Variants in WDR75 observed in about 807,000 individuals in gnomAD.
The protein encoded by WDR75 is WD repeat-containing protein 75.
Under a neutral mutation model 106.1 loss-of-function variants are expected in WDR75, and 52 were observed. The ratio of observed to expected loss-of-function variants is 0.49; its 90% CI spans 0.39 to 0.62. The LOEUF (loss-of-function observed/expected upper bound fraction) is 0.62, where lower values mean the gene tolerates loss of function less well. Ranked by LOEUF, WDR75 falls within the 20% of genes least tolerant of loss-of-function variation. WDR75 has a pLI of 0.00. For missense variants in WDR75, 905 were observed against 970.3 expected, an observed-to-expected ratio of 0.93 and a Z score of 0.89; for synonymous variants, 333 against 335.5, an observed-to-expected ratio of 0.99 and a Z score of 0.08.
At chr2:189,447,987 G>T (rs1479305820) in intron 1 of WDR75, among the ~76,000 whole-genome samples, 1 of 152,178 alleles carries the variant, frequency 6.6e-6, no homozygotes, top group East Asian at 1.9e-4. Context: ...TACTGTTCTT[G>T]TGGTAGTGAA....
chr2:189,470,707 A>G (rs1687098883), intron 17 of WDR75, 112 bp from the exon 18 acceptor site: 3 of 590,920 alleles, frequency 5.1e-6, no homozygotes, highest in South Asian at 7.8e-5. Context: ...GTTGTCAAAT[A>G]TATATATCAA....
Position 189,450,815 on chromosome 2 carries a change from A to G in WDR75, c.217-88A>G. 6.4e-6 allele frequency: 10 copies of G among 1,563,236 alleles called. No individual in the cohort carries two copies. The South Asian group carries it at 9.6e-5, about 15-fold the overall frequency. ...TTAACAGTGAATTAATGAATAGAAA[A>G]TGCCCCTGATCAACATTTAATTATT... On this transcript the variant is annotated intron_variant, in intron 2 of 20. Coordinates refer to ENST00000314761, the MANE Select transcript of WDR75 (RefSeq NM_032168.3).
At chr2:189,465,382 T>C in intron 12 of WDR75, 128 bp downstream of exon 12, 1 of 1,008,806 alleles carries the variant, frequency 9.9e-7, no homozygotes, top group Non-Finnish European at 1.4e-6. Flanking sequence ...GGAGAGGTTT[T>C]ATTCTAATAA....
chr2:189,474,899 A>G (rs886700623), intron 20 of WDR75, 91 bp downstream of exon 20: 9 of 985,988 alleles, frequency 9.1e-6, no homozygotes, highest in Admixed American at 7.7e-5. Context: ...CTTCCACTGT[A>G]TTTCTTTTTA....
chr2:189,450,536 C>T (rs891098201), intron 2 of WDR75: 8 of 991,554 alleles, frequency 8.1e-6, no homozygotes, highest in African/African-American at 1.8e-5. Flanking sequence ...AGGCTGGTCT[C>T]GAACTCCTGG....
chr2:189,460,609 G>T (rs113640713), intron 8 of WDR75, among the ~76,000 whole-genome samples: 9,819 of 151,594 alleles, frequency 0.065, 496 homozygotes, highest in African/African-American at 0.14. Context: ...GGCTCAAATG[G>T]TCCTCCCACC....
In WDR75 at chr2:189,474,214, C is replaced by A; in HGVS notation, c.2078C>A (p.Thr693Asn). ...CTAGCAGAAGAAAGTCTTCCCACAACCCCATTTTATTTCATATTGGGAAAA... is the reference window on the plus strand; with the variant it reads ...CTAGCAGAAGAAAGTCTTCCCACAAACCCATTTTATTTCATATTGGGAAAA... ...QLLAEESLPT[T>N]PFYFILGKHR... The change falls in exon 19 of 21, where the codon ACC becomes AAC. Residue 693 changes from threonine (T) to asparagine (N), a missense_variant. Physicochemically the swap from Thr to Asn is moderately conservative, Grantham distance 65. Transcript: ENST00000314761. 2 of 1,613,054 alleles carry A rather than the reference C, an allele frequency of 1.2e-6. No individual in the cohort carries two copies. Among genetic ancestry groups the A allele is most frequent in the Non-Finnish European group, 1.7e-6 (2 of 1,179,612 alleles).
In WDR75 at chr2:189,462,197, A is replaced by G. The variant is rs1686903929; in HGVS notation, c.779-287A>G. Among the ~76,000 whole-genome samples, 3 of 152,060 alleles carry G rather than the reference A, an allele frequency of 2.0e-5. No homozygotes were observed. The South Asian group carries it at 6.2e-4, about 31-fold the overall frequency. ...AGTATTTAAATGTTTAGAAAAATTTATCAGTGAAGCTATCTTGGCCTAAAG... is the reference window on the plus strand; with the variant it reads ...AGTATTTAAATGTTTAGAAAAATTTGTCAGTGAAGCTATCTTGGCCTAAAG... On this transcript the variant is annotated intron_variant, in intron 8 of 20. Coordinates refer to ENST00000314761, the MANE Select transcript of WDR75 (RefSeq NM_032168.3).
Position 189,475,333 on chromosome 2 carries a change from C to T in WDR75, c.2409C>T (p.Asp803=). The T allele has an allele frequency of 6.2e-7, 1 of 1,612,334 alleles. No homozygotes were observed. The highest frequency in any genetic ancestry group is 8.5e-7 in the Non-Finnish European group (1 of 1,178,944). The change falls in exon 21 of 21, where the codon GAC becomes GAT. Residue 803 remains aspartate, a synonymous_variant. Transcript: ENST00000314761. ...QDTSNTGLGE[D]IIHQLSKSEE... is the part of the protein sequence containing the mutation. ...CAAGTAACACAGGTTTAGGAGAAGA[C>T]ATTATACATCAGTTGTCAAAATCTG...
chr2:189,452,166 C>T lies in WDR75; in HGVS notation c.373+271C>T, dbSNP rs1019842115. On this transcript the variant is annotated intron_variant, in intron 4 of 20. Coordinates refer to ENST00000314761, the MANE Select transcript of WDR75 (RefSeq NM_032168.3). ...TTTACAAAGGTGGATAGAATTTTGT[C>T]TTTCTACTGAACTTAAATCTGTTAT... The T allele has an allele frequency of 6.4e-5, 21 of 326,844 alleles. No homozygotes were observed. The South Asian group carries it at 8.5e-4, about 13-fold the overall frequency. The allele number at this position is 326,844 out of a possible 1,614,324, so 20.2% of individuals were successfully genotyped here. A position where few individuals can be genotyped will look rare whatever the true frequency, so the allele number is the denominator to read the frequency against.
At chr2:189,456,071 A>G (rs13015203) in intron 5 of WDR75, among the ~76,000 whole-genome samples, 86,073 of 152,084 alleles carry the variant, frequency 0.57, 26,140 homozygotes, top group East Asian at 0.69. Context: ...ATGCTTCTTT[A>G]GTCTTAAGTT....
intron 4 of WDR75, 143 bp from the exon 5 acceptor site, chr2:189,455,177 G>T (rs983955477): frequency 4.5e-6 from 4 of 880,122 alleles, no homozygotes; most frequent in Non-Finnish European, 6.4e-6. Flanking sequence ...GGAGGCAGAG[G>T]TTGCAGTGAG....
chr2:189,454,652 G>A (rs1686696126), intron 4 of WDR75, among the ~76,000 whole-genome samples: 1 of 151,854 alleles, frequency 6.6e-6, no homozygotes, highest in Admixed American at 6.6e-5. Flanking sequence ...CTCCCGAGTA[G>A]CTGGGACTAC....
chr2:189,457,465 A>G, intron 6 of WDR75, 84 bp downstream of exon 6: 1 of 849,004 alleles, frequency 1.2e-6, no homozygotes, highest in Non-Finnish European at 1.9e-6. Context: ...TATAGTCCAA[A>G]GCTATTCCTA....
At chr2:189,450,613 TG>T in intron 2 of WDR75, 1 of 1,185,140 alleles carries the variant, frequency 8.4e-7, no homozygotes, top group Non-Finnish European at 1.0e-6. Flanking sequence ...CACTGCACCT[TG>T]GTGCTTTTCA....
intron 20 of WDR75, 28 bp downstream of exon 20, chr2:189,474,836 A>C (rs777875043): frequency 6.4e-7 from 1 of 1,565,604 alleles, no homozygotes; most frequent in Admixed American, 1.7e-5. Flanking sequence ...ACAGGTTTGG[A>C]CACTCTCTTT....
chr2:189,470,682 T>A, intron 17 of WDR75, 137 bp from the exon 18 acceptor site: 1 of 488,802 alleles, frequency 2.0e-6, no homozygotes, highest in Non-Finnish European at 3.5e-6. Flanking sequence ...GGTTTAAATC[T>A]TTTATTCCTT....
Position 189,469,349 on chromosome 2 carries a change from T to C in WDR75, c.1729T>C (p.Trp577Arg), listed in dbSNP as rs768442647. 3 of 1,610,106 alleles carry C rather than the reference T, an allele frequency of 1.9e-6. No homozygotes were observed. The highest frequency in any genetic ancestry group is 2.5e-6 in the Non-Finnish European group (3 of 1,176,594). The stretch of plus-strand genomic sequence containing the variant: ...ACCTTTGTTTTTCCCCTCAGTGGAG[T>C]GGAATGCAAAATTAAATGTTAGAGT... ...CWNLLSCALE[W>R]NAKLNVRVME... Residue 577 changes from tryptophan (W) to arginine (R), a missense_variant, in exon 16 of 21, where the codon TGG becomes CGG. Coordinates refer to ENST00000314761, the MANE Select transcript of WDR75 (RefSeq NM_032168.3).
chr2:189,467,961 A>G (rs2105571265), intron 14 of WDR75, among the ~76,000 whole-genome samples: 1 of 152,320 alleles, frequency 6.6e-6, no homozygotes, highest in Non-Finnish European at 1.5e-5. Context: ...GTGTATTCCC[A>G]TAAAAACCGT....
Sources: allele counts gnomAD v4.1 joint callset (sites outside exome capture counted in the v4.1 genomes callset), GRCh38; gene constraint gnomAD v4.1.1; transcripts MANE v1.5; gene names NCBI Gene and HGNC (gene_info 2026-07-23, HGNC 2026-07-21).